Variants in ESF1 observed in about 807,000 individuals in gnomAD.
ESF1 encodes ESF1 homolog.
A neutral mutation model predicts 92.0 loss-of-function variants in ESF1; 58 were observed. The observed-to-expected ratio is 0.63, with a 90% CI of 0.51 to 0.78. The LOEUF (loss-of-function observed/expected upper bound fraction) is 0.78, where lower values mean the gene tolerates loss of function less well. ESF1 is among the 30% of genes least tolerant of loss of function. ESF1 has a pLI of 0.00. For missense variants in ESF1, 922 were observed against 989.1 expected, an observed-to-expected ratio of 0.93 and a Z score of 0.91; for synonymous variants, 321 against 313.7, an observed-to-expected ratio of 1.02 and a Z score of -0.24.
intron 8 of ESF1, 51 bp downstream of exon 8, chr20:13,766,726 C>A (rs772680045): frequency 6.3e-7 from 1 of 1,585,914 alleles, no homozygotes; most frequent in Non-Finnish European, 8.6e-7. Flanking sequence ...CCCTGTAAAG[C>A]TACTGCCAAA....
At chr20:13,722,413 A>G (rs2049873954) in intron 11 of ESF1, among the ~76,000 whole-genome samples, 1 of 152,218 alleles carries the variant, frequency 6.6e-6, no homozygotes, top group East Asian at 1.9e-4. Flanking sequence ...ATATTAAGAG[A>G]TCACATCTAT....
At chr20:13,754,259 G>T (rs1978776393) in intron 9 of ESF1, among the ~76,000 whole-genome samples, 1 of 152,078 alleles carries the variant, frequency 6.6e-6, no homozygotes, top group Non-Finnish European at 1.5e-5. Context: ...TCACTGAAAT[G>T]CCTTCTTTAT....
In ESF1 at chr20:13,784,874, A is replaced by G; in HGVS notation, c.-44+6T>C. The G allele has an allele frequency of 1.7e-6, 1 of 605,968 alleles. No homozygotes were observed. The highest frequency in any genetic ancestry group is 2.9e-6 in the Non-Finnish European group (1 of 342,246). The allele number at this position is 605,968 out of a possible 1,614,324, so 37.5% of individuals were successfully genotyped here. ...AGCTCTTCAACTCCAGTCCATCCCC[A>G]CTCACCGTCCGCAGTCCTACCAAGC... is the stretch of plus-strand genomic sequence containing the variant. On this transcript the variant is annotated splice_donor_region_variant and intron_variant, in intron 1 of 13. Transcript: ENST00000617257.
intron 9 of ESF1, among the ~76,000 whole-genome samples, chr20:13,750,155 G>T (rs13041971): frequency 0.073 from 11,063 of 152,256 alleles, 438 homozygotes; most frequent in Non-Finnish European, 0.087. Context: ...ATGGCAATAT[G>T]GTCCCAGAGT....
intron 9 of ESF1, among the ~76,000 whole-genome samples, chr20:13,735,510 A>G (rs1347925765): frequency 6.6e-6 from 1 of 152,098 alleles, no homozygotes; most frequent in Non-Finnish European, 1.5e-5. Flanking sequence ...ACAGATAAAC[A>G]GCACCTAAGA....
At chr20:13,777,819 G>C (rs138227662) in intron 2 of ESF1, among the ~76,000 whole-genome samples, 610 of 152,230 alleles carry the variant, frequency 4.0e-3, no homozygotes, top group East Asian at 0.012. Flanking sequence ...CTGCTTACAG[G>C]CTCTAAGTTT....
rs566507019 is a variant in ESF1, at chr20:13,735,221, G to A, written c.1829-1379C>T. On this transcript the variant is annotated intron_variant, in intron 9 of 13. Transcript: ENST00000617257. The stretch of plus-strand genomic sequence containing the variant: ...CTTCAACCAACAGTTTGAAACAGCT[G>A]AAACAGATCTCTAAGACCTTCCTTG... Among the ~76,000 whole-genome samples, 8 of 152,184 alleles carry A rather than the reference G, an allele frequency of 5.3e-5. No individual in the cohort carries two copies. In the South Asian group the frequency reaches 8.3e-4, roughly 16 times the overall value.
chr20:13,768,122 A>G (rs1032912587), intron 7 of ESF1, among the ~76,000 whole-genome samples: 4 of 152,194 alleles, frequency 2.6e-5, no homozygotes, highest in Admixed American at 6.5e-5. Context: ...TTTGCTTACT[A>G]TGTAATGGTA....
At chr20:13,726,979 C>T (rs1022074528) in intron 11 of ESF1, among the ~76,000 whole-genome samples, 4 of 152,108 alleles carry the variant, frequency 2.6e-5, no homozygotes, top group Admixed American at 2.6e-4. Flanking sequence ...TTATCTATAC[C>T]TTTTTTCTTT....
rs1435833140 is a variant in ESF1 at position 13,717,446 on chromosome 20, A to C, written c.2184T>G (p.Ile728Met). 3.1e-6 allele frequency: 5 copies of C among 1,613,950 alleles called. No individual in the cohort carries two copies. Among genetic ancestry groups the C allele is most frequent in the South Asian group, 1.1e-5 (1 of 91,078 alleles). Residue 728 changes from isoleucine (I) to methionine (M), a missense_variant, in exon 13 of 14, where the codon ATT becomes ATG. By Grantham distance (10) the Ile-to-Met change is conservative (BLOSUM62 1). Coordinates refer to ENST00000617257, the MANE Select transcript of ESF1 (RefSeq NM_001276380.2). The stretch of plus-strand genomic sequence containing the variant: ...TTTTGCTCAGATTCTGGTGCTCCAC[A>C]ATCTTGTTGTAATTGAAGTGTTTCT... ...DSKKHFNYNK[I>M]VEHQNLSKKK...
chr20:13,724,280 G>A (rs2049886758), intron 11 of ESF1, among the ~76,000 whole-genome samples: 1 of 152,240 alleles, frequency 6.6e-6, no homozygotes, highest in East Asian at 1.9e-4. Flanking sequence ...GGGCGACACA[G>A]TGAGACTCCG....
At chr20:13,749,642 T>C (rs186901622) in intron 9 of ESF1, among the ~76,000 whole-genome samples, 1 of 152,118 alleles carries the variant, frequency 6.6e-6, no homozygotes, top group South Asian at 2.1e-4. Context: ...CTCGGCTCAC[T>C]GCAACCTCCA....
chr20:13,762,014 G>A (rs1979222978), intron 8 of ESF1, among the ~76,000 whole-genome samples: 1 of 152,026 alleles, frequency 6.6e-6, no homozygotes, highest in African/African-American at 2.4e-5. Flanking sequence ...CATTTAGCTG[G>A]GAAACATCAG....
At chr20:13,740,560 A>G (rs984466416) in intron 9 of ESF1, among the ~76,000 whole-genome samples, 2 of 152,162 alleles carry the variant, frequency 1.3e-5, no homozygotes, top group Admixed American at 6.5e-5. Flanking sequence ...GATTTCCAGA[A>G]GGAGAAAACA....
In ESF1 at chr20:13,714,877, T is replaced by C; in HGVS notation, c.2553A>G (p.Lys851=). ...TTCAAAAATAAGTAACATCCAGTTATTTGACTTTTTGCTTTTTTCTTGCTT... is the reference window on the plus strand; with the variant it reads ...TTCAAAAATAAGTAACATCCAGTTACTTGACTTTTTGCTTTTTTCTTGCTT... The part of the protein sequence containing the change: ...QFQARKKQKV[K] The change falls in exon 14 of 14, where the codon AAA becomes AAG. Residue 851 remains lysine, a synonymous_variant. Transcript: ENST00000617257. 6.3e-7 allele frequency: 1 copy of C among 1,594,056 alleles called. No homozygotes were observed. Among genetic ancestry groups the C allele is most frequent in the Non-Finnish European group, 8.5e-7 (1 of 1,172,350 alleles).
intron 9 of ESF1, among the ~76,000 whole-genome samples, chr20:13,743,915 T>A (rs1429061075): frequency 1.3e-5 from 2 of 152,202 alleles, no homozygotes; most frequent in African/African-American, 2.4e-5. Flanking sequence ...AATTAAATAT[T>A]TTTAAAAAAC....
chr20:13,782,662 T>C lies in ESF1; in HGVS notation c.479A>G (p.Glu160Gly). ...SNISPKKDSKEFTQKNKKEKK... is the reference protein window; with the variant it reads ...SNISPKKDSKGFTQKNKKEKK... ...CTCTTTCTTATTTTTTTGTGTAAAT[T>C]CTTTGCTATCCTTCTTCGGACTTAT... The change falls in exon 2 of 14, where the codon GAA becomes GGA. Residue 160 changes from glutamate to glycine, a missense_variant. By Grantham distance (98) the Glu-to-Gly change is moderately conservative (BLOSUM62 -2). Coordinates refer to ENST00000617257, the MANE Select transcript of ESF1 (RefSeq NM_001276380.2). 1.2e-6 allele frequency: 2 copies of C among 1,605,140 alleles called. No individual in the cohort carries two copies. Among genetic ancestry groups the C allele is most frequent in the South Asian group, 1.1e-5 (1 of 88,008 alleles).
At chr20:13,727,851 A>G (rs2049912274) in intron 11 of ESF1, among the ~76,000 whole-genome samples, 1 of 152,190 alleles carries the variant, frequency 6.6e-6, no homozygotes. Context: ...GGATAAAATG[A>G]AACATAGATG....
intron 9 of ESF1, among the ~76,000 whole-genome samples, chr20:13,756,227 T>C (rs2147757703): frequency 6.6e-6 from 1 of 152,332 alleles, no homozygotes; most frequent in African/African-American, 2.4e-5. Context: ...CTCAATGATC[T>C]TATATGTATA....
Sources: allele counts gnomAD v4.1 joint callset (sites outside exome capture counted in the v4.1 genomes callset), GRCh38; gene constraint gnomAD v4.1.1; transcripts MANE v1.5; gene names NCBI Gene and HGNC (gene_info 2026-07-23, HGNC 2026-07-21).